RTTN: variants seen among roughly 807,000 people sequenced by gnomAD.
The protein encoded by RTTN is rotatin.
A neutral mutation model predicts 269.2 loss-of-function variants in RTTN; 182 were observed. The observed-to-expected ratio is 0.68, with a 90% confidence interval of 0.60 to 0.76. The LOEUF (loss-of-function observed/expected upper bound fraction) is 0.76, where lower values mean the gene tolerates loss of function less well. RTTN is among the 30% of genes least tolerant of loss of function. The pLI, the probability that RTTN is intolerant of heterozygous loss-of-function variation, is 0.00. For missense variants in RTTN, 2,545 were observed against 2,608.6 expected (o/e 0.98, Z 0.53); for synonymous variants, 1,006 against 963.5 (o/e 1.04, Z -0.82).
At chr18:70,022,815 C>T (rs1304825942) in intron 44 of RTTN, among the ~76,000 whole-genome samples, 5 of 152,146 alleles carry the variant, frequency 3.3e-5, no homozygotes, top group African/African-American at 1.2e-4. Context: ...TGCTCCTTCT[C>T]TTTTTTTTCT....
At chr18:70,184,615 T>C (rs1188992403) in intron 10 of RTTN, among the ~76,000 whole-genome samples, 1 of 151,088 alleles carries the variant, frequency 6.6e-6, no homozygotes, top group African/African-American at 2.4e-5. Context: ...ATGGTATTCA[T>C]GGATCAGAAG....
At chr18:70,071,805 C>A (rs1353085162) in intron 34 of RTTN, among the ~76,000 whole-genome samples, 1 of 152,128 alleles carries the variant, frequency 6.6e-6, no homozygotes, top group Non-Finnish European at 1.5e-5. Flanking sequence ...GGAGAGCATG[C>A]TGGATGACAT....
chr18:70,068,065 G>A (rs187928855), intron 34 of RTTN, among the ~76,000 whole-genome samples: 2 of 152,148 alleles, frequency 1.3e-5, no homozygotes, highest in African/African-American at 4.8e-5. Flanking sequence ...TATTTTTTAA[G>A]TGTGCTAAAC....
At chr18:70,082,998 G>A (rs920666481) in intron 32 of RTTN, among the ~76,000 whole-genome samples, 1 of 152,132 alleles carries the variant, frequency 6.6e-6, no homozygotes, top group Non-Finnish European at 1.5e-5. Context: ...CAGCTGGGAT[G>A]TAGCTTTGAA....
chr18:70,032,102 A>G (rs1408773393), intron 40 of RTTN, among the ~76,000 whole-genome samples: 1 of 152,176 alleles, frequency 6.6e-6, no homozygotes, highest in Non-Finnish European at 1.5e-5. Context: ...TCTATAGCGG[A>G]GCATGGCCAA....
intron 10 of RTTN, among the ~76,000 whole-genome samples, chr18:70,180,919 A>T (rs2061409340): frequency 6.6e-6 from 1 of 152,224 alleles, no homozygotes; most frequent in Non-Finnish European, 1.5e-5. Flanking sequence ...CTTATTTGAT[A>T]TCCCAAGTGC....
intron 38 of RTTN, among the ~76,000 whole-genome samples, chr18:70,053,702 TTCCCC>T (rs2057737795): frequency 6.6e-6 from 1 of 152,248 alleles, no homozygotes; most frequent in Non-Finnish European, 1.5e-5. Flanking sequence ...ATAGAATATT[TTCCCC>T]TGGAGATAAC....
chr18:70,065,589 G>A (rs545338307), intron 35 of RTTN, among the ~76,000 whole-genome samples: 3 of 152,138 alleles, frequency 2.0e-5, no homozygotes, highest in African/African-American at 7.2e-5. Flanking sequence ...AAATACCTAC[G>A]AGCGCCTAAT....
intron 32 of RTTN, among the ~76,000 whole-genome samples, chr18:70,085,988 T>C (rs1312445268): frequency 3.3e-5 from 5 of 152,130 alleles, no homozygotes; most frequent in African/African-American, 1.2e-4. Flanking sequence ...TTTTTTAATG[T>C]AAGCTATAAA....
At chr18:70,193,525 TC>T in intron 7 of RTTN, 72 bp from the exon 8 acceptor site, 1 of 1,106,994 alleles carries the variant, frequency 9.0e-7, no homozygotes, top group Non-Finnish European at 1.2e-6. Flanking sequence ...TATTTATGTA[TC>T]ATTCTTCCAA....
chr18:70,011,764 A>AC (rs2056379315), intron 46 of RTTN, among the ~76,000 whole-genome samples: 1 of 151,740 alleles, frequency 6.6e-6, no homozygotes, highest in Admixed American at 6.6e-5. Flanking sequence ...TAAATAAATA[A>AC]GGGTACTAAA....
intron 48 of RTTN, 109 bp downstream of exon 48, chr18:70,005,089 A>G (rs2056142093): frequency 3.2e-6 from 2 of 625,326 alleles, no homozygotes; most frequent in East Asian, 5.7e-5. Context: ...GAATATTGGC[A>G]CATTTTACAA....
At chr18:70,107,230 A>T (rs2059343350) in intron 28 of RTTN, among the ~76,000 whole-genome samples, 1 of 152,172 alleles carries the variant, frequency 6.6e-6, no homozygotes, top group African/African-American at 2.4e-5. Flanking sequence ...GCTCGTCGGA[A>T]CCTAGGAACC....
In RTTN at chr18:70,118,300, C is replaced by T. The variant is rs924697776; in HGVS notation, c.3528+3256G>A. Among the ~76,000 whole-genome samples, 5 of 151,908 alleles carry T rather than the reference C, an allele frequency of 3.3e-5. No individual in the cohort carries two copies. The South Asian group carries it at 6.2e-4, about 19-fold the overall frequency. On this transcript the variant is annotated intron_variant, in intron 26 of 48. Coordinates refer to ENST00000640769, the MANE Select transcript of RTTN (RefSeq NM_173630.4). ...CAGATACCACAGAAACACAAGGAATCGTAAGAGACTATTATGAACAATTTC... is the reference window on the plus strand; with the variant it reads ...CAGATACCACAGAAACACAAGGAATTGTAAGAGACTATTATGAACAATTTC...
At chr18:70,176,456 C>T (rs1443238014) in intron 11 of RTTN, among the ~76,000 whole-genome samples, 4 of 152,040 alleles carry the variant, frequency 2.6e-5, no homozygotes, top group African/African-American at 4.8e-5. Flanking sequence ...AGCAACAGCA[C>T]GATTAAAAAA....
chr18:70,110,494 C>T (rs2059435505), intron 27 of RTTN, among the ~76,000 whole-genome samples: 1 of 152,082 alleles, frequency 6.6e-6, no homozygotes, highest in East Asian at 1.9e-4. Flanking sequence ...CAAGGGAAGC[C>T]GTGACAGACT....
chr18:70,148,062 T>A (rs2060441759), intron 17 of RTTN, among the ~76,000 whole-genome samples: 1 of 152,172 alleles, frequency 6.6e-6, no homozygotes, highest in African/African-American at 2.4e-5. Flanking sequence ...CTTAATAGTT[T>A]AGTTAACTTC....
In RTTN at chr18:70,109,679, A is replaced by G. The variant is rs1165383623; in HGVS notation, c.3722T>C (p.Leu1241Pro). Residue 1241 changes from leucine (L) to proline (P), a missense_variant, in exon 28 of 49, where the codon CTG (leucine) becomes CCG (proline). Physicochemically the swap from Leu to Pro is moderately conservative, Grantham distance 98. Coordinates refer to ENST00000640769, the MANE Select transcript of RTTN (RefSeq NM_173630.4). The part of the protein sequence containing the change: ...SELLYVFQTQ[L>P]ALKLLQCLKV... ...CAGACACTGGAGCAGTTTCAGAGCC[A>G]GCTGCGTTTGAAAAACGTAAAGAAG... 1 of 1,614,212 alleles carries G rather than the reference A, an allele frequency of 6.2e-7. No individual in the cohort carries two copies. The highest frequency in any genetic ancestry group is 8.5e-7 in the Non-Finnish European group (1 of 1,180,040).
chr18:70,163,036 T>C (rs1214964328), intron 14 of RTTN, among the ~76,000 whole-genome samples: 2 of 108,712 alleles, frequency 1.8e-5, no homozygotes, highest in African/African-American at 7.2e-5. Flanking sequence ...TGATGGGAAA[T>C]GACTTTGCAC....
Sources: allele counts gnomAD v4.1 joint callset (sites outside exome capture counted in the v4.1 genomes callset), GRCh38; gene constraint gnomAD v4.1.1; transcripts MANE v1.5; gene names NCBI Gene and HGNC (gene_info 2026-07-23, HGNC 2026-07-21).